Variants in MAML3 observed in about 807,000 individuals in gnomAD.
The protein encoded by MAML3 is mastermind-like protein 3.
Under a neutral mutation model 101.9 loss-of-function variants are expected in MAML3, and 27 were observed. The ratio of observed to expected loss-of-function variants is 0.27; its 90% CI spans 0.20 to 0.37. MAML3 has a LOEUF of 0.37. Among genes scored for constraint, MAML3 ranks in the 10% least tolerant of loss-of-function variants. The pLI is 1.00. For missense variants in MAML3, 1,316 were observed against 1,444.9 expected (o/e 0.91, Z 1.45); for synonymous variants, 501 against 555.9 (o/e 0.90, Z 1.39).
At chr4:139,805,905 T>C (rs1183303881) in intron 2 of MAML3, among the ~76,000 whole-genome samples, 1 of 151,998 alleles carries the variant, frequency 6.6e-6, no homozygotes, top group South Asian at 2.1e-4. Flanking sequence ...CAGAAGGAGA[T>C]CTTAAGAATT....
intron 1 of MAML3, among the ~76,000 whole-genome samples, chr4:140,027,645 A>G (rs1191708727): frequency 1.3e-5 from 2 of 152,228 alleles, no homozygotes; most frequent in Non-Finnish European, 1.5e-5. Context: ...CAGATAATTA[A>G]TGAAGATGTT....
chr4:139,719,426 A>T lies in MAML3; in HGVS notation c.3314T>A (p.Phe1105Tyr). 1 of 1,613,994 alleles carries T rather than the reference A, an allele frequency of 6.2e-7. No homozygotes were observed. Among genetic ancestry groups the T allele is most frequent in the Non-Finnish European group, 8.5e-7 (1 of 1,179,890 alleles). ...GTCTGCACCGTCCGGGAGGCCAGGG[A>T]AGGAACCCCCAGCTCCGTCGCCACT... is the stretch of plus-strand genomic sequence containing the variant. ...NYSGDGAGGS[F>Y]PGLPDGADLV... is the part of the protein sequence containing the mutation. The change falls in exon 5 of 5, where the codon TTC becomes TAC. Residue 1105 changes from phenylalanine (F) to tyrosine (Y), a missense_variant. Coordinates refer to ENST00000509479, the MANE Select transcript of MAML3 (RefSeq NM_018717.5).
rs1732446747 is a variant in MAML3 at position 139,890,288 on chromosome 4, G to A, written c.1148C>T (p.Pro383Leu). Reference protein sequence around the residue: ...SPQARPSSSGPPFSTVSTATS... With the variant: ...SPQARPSSSGLPFSTVSTATS... Reference sequence around the variant, plus strand: ...GGCCGTGGAGACAGTAGAAAAGGGAGGACCAGAAGAAGAAGGCCTCGCCTG... The same window carrying A: ...GGCCGTGGAGACAGTAGAAAAGGGAAGACCAGAAGAAGAAGGCCTCGCCTG... Residue 383 changes from proline (P) to leucine (L), a missense_variant, in exon 2 of 5, where the codon CCT (proline) becomes CTT (leucine). By Grantham distance (98) the Pro-to-Leu change is moderately conservative. Transcript: ENST00000509479. The surrounding 1 kb of genome is among the most constrained non-coding windows in gnomAD (Gnocchi z 4.1). The A allele has an allele frequency of 2.5e-6, 4 of 1,613,850 alleles. No homozygotes were observed. The highest frequency in any genetic ancestry group is 1.6e-4 in the Middle Eastern group (1 of 6,062).
chr4:139,834,184 T>C (rs1004854107), intron 2 of MAML3, among the ~76,000 whole-genome samples: 2 of 152,242 alleles, frequency 1.3e-5, no homozygotes, highest in African/African-American at 2.4e-5. Context: ...TTATCTTCAT[T>C]CCTACACAAA....
At chr4:139,790,244 A>ATATATATATATATATAT (rs1560795077) in intron 2 of MAML3, among the ~76,000 whole-genome samples, 2 of 95,456 alleles carry the variant, frequency 2.1e-5, no homozygotes, top group African/African-American at 3.9e-5. Context: ...TATATATATA[A>ATATATATATATATATAT]ATAAATATAT....
rs1404135110 is a variant in MAML3, at chr4:139,717,835, G to A, written c.*1488C>T. 6.6e-6 allele frequency: 1 copy of A among 152,344 alleles called. No homozygotes were observed. Among genetic ancestry groups the A allele is most frequent in the African/African-American group, 2.4e-5 (1 of 41,454 alleles). 9.4% of individuals were successfully genotyped at this position (152,344 alleles called of 1,614,324 possible). A position where few individuals can be genotyped will look rare whatever the true frequency, so the allele number is the denominator to read the frequency against. On this transcript the variant is annotated 3_prime_UTR_variant, in exon 5 of 5. Transcript: ENST00000509479. ...GAAGCCACAAGTCCTCCAAAAGGGGGATTGGGAGGGGAGGCAAGGAGCCTT... is the reference window on the plus strand; with the variant it reads ...GAAGCCACAAGTCCTCCAAAAGGGGAATTGGGAGGGGAGGCAAGGAGCCTT...
intron 2 of MAML3, among the ~76,000 whole-genome samples, chr4:139,826,128 A>G (rs566218913): frequency 6.7e-6 from 1 of 150,324 alleles, no homozygotes; most frequent in South Asian, 2.1e-4. Context: ...TTTCCTTCGC[A>G]CGTGAGAAGA....
chr4:139,960,951 C>A (rs1172665660), intron 1 of MAML3, among the ~76,000 whole-genome samples: 4 of 152,170 alleles, frequency 2.6e-5, no homozygotes, highest in Non-Finnish European at 4.4e-5. Flanking sequence ...TCAAAAGGAG[C>A]CACAGGTGTC....
chr4:140,061,915 T>C (rs1374403248), intron 1 of MAML3, among the ~76,000 whole-genome samples: 1 of 152,166 alleles, frequency 6.6e-6, no homozygotes, highest in Non-Finnish European at 1.5e-5. Context: ...AGACAGTTGG[T>C]GTGGCAGAAA....
chr4:139,732,486 A>G lies in MAML3; in HGVS notation c.2080-1819T>C, dbSNP rs762376009. On this transcript the variant is annotated intron_variant, in intron 2 of 4. Transcript: ENST00000509479. ...CGCTACTCCTCTTACCCTAGAAACA[A>G]TCACCCAAGAAGCTCTGGTTTGTTC... is the stretch of plus-strand genomic sequence containing the variant. Among the ~76,000 whole-genome samples the G allele has an allele frequency of 3.9e-5, 6 of 152,332 alleles. No homozygotes were observed. The South Asian group carries it at 6.2e-4, about 16-fold the overall frequency.
chr4:139,854,603 G>A (rs963263269), intron 2 of MAML3, among the ~76,000 whole-genome samples: 1 of 151,716 alleles, frequency 6.6e-6, no homozygotes. Context: ...TTCTTGGATA[G>A]TCTCAAGCTG....
intron 1 of MAML3, among the ~76,000 whole-genome samples, chr4:139,935,459 G>C (rs1733489272): frequency 6.6e-6 from 1 of 152,002 alleles, no homozygotes; most frequent in Non-Finnish European, 1.5e-5. Flanking sequence ...TATTCACCAA[G>C]CTGAAGTTAC....
intron 2 of MAML3, among the ~76,000 whole-genome samples, chr4:139,736,336 G>T (rs1728945491): frequency 6.6e-6 from 1 of 152,170 alleles, no homozygotes; most frequent in African/African-American, 2.4e-5. Context: ...TGTATCAGAG[G>T]TGAAAGCTAA....
intron 1 of MAML3, among the ~76,000 whole-genome samples, chr4:139,957,118 G>A (rs775622762): frequency 6.6e-6 from 1 of 152,188 alleles, no homozygotes; most frequent in Non-Finnish European, 1.5e-5. Context: ...TTCAGATGCT[G>A]TGGTCTTAAC....
At chr4:139,858,039 A>G (rs1484657445) in intron 2 of MAML3, among the ~76,000 whole-genome samples, 1 of 152,222 alleles carries the variant, frequency 6.6e-6, no homozygotes, top group Non-Finnish European at 1.5e-5. Flanking sequence ...TGCAGACTGG[A>G]AAGAGTACTC....
chr4:139,761,653 G>A (rs1182672971), intron 2 of MAML3, among the ~76,000 whole-genome samples: 1 of 152,176 alleles, frequency 6.6e-6, no homozygotes, highest in African/African-American at 2.4e-5. Context: ...CTTGACAGGG[G>A]CTAAAAAGAT....
chr4:140,040,868 C>T (rs1045141839), intron 1 of MAML3, among the ~76,000 whole-genome samples: 5 of 152,152 alleles, frequency 3.3e-5, no homozygotes, highest in East Asian at 1.9e-4. Context: ...ATTCTTGAGA[C>T]GTTATGACAA....
Position 140,002,727 on chromosome 4 carries a change from CT to C in MAML3, c.469-111761del, listed in dbSNP as rs139242775. On this transcript the variant is annotated intron_variant, in intron 1 of 4. Transcript: ENST00000509479. ...TGCCCTGGAGCAGAGTCACAATATT[CT>C]CACACCACAGAAAACCAAAACAATA... Among the ~76,000 whole-genome samples, 1,366 of 152,274 alleles carry C rather than the reference CT, an allele frequency of 9.0e-3. 30 individuals are homozygous for C. The highest frequency in any genetic ancestry group is 0.031 in the African/African-American group (1,306 of 41,546).
At chr4:139,766,506 T>C (rs1729862532) in intron 2 of MAML3, among the ~76,000 whole-genome samples, 1 of 151,954 alleles carries the variant, frequency 6.6e-6, no homozygotes, top group Non-Finnish European at 1.5e-5. Flanking sequence ...GATGCCAAGG[T>C]AGTGTCAATG....
Sources: allele counts gnomAD v4.1 joint callset (sites outside exome capture counted in the v4.1 genomes callset), GRCh38; gene constraint gnomAD v4.1.1; non-coding constraint Gnocchi (gnomAD v3.1); transcripts MANE v1.5; gene names NCBI Gene and HGNC (gene_info 2026-07-23, HGNC 2026-07-21).